The following KRT79 variants were observed in gnomAD, a reference collection of about 807,000 sequenced individuals.
The protein encoded by KRT79 is keratin, type II cytoskeletal 79.
A neutral mutation model predicts 49.0 loss-of-function variants in KRT79; 51 were observed. The observed-to-expected ratio is 1.04, with a 90% CI of 0.83 to 1.31. KRT79 has a LOEUF of 1.31. Ranked by LOEUF, KRT79 falls within the 40% of genes most tolerant of loss-of-function variation. KRT79 has a pLI of 0.00. For synonymous variants in KRT79, 312 were observed against 286.6 expected (o/e 1.09, Z -0.90); for missense variants, 728 against 688.0 (o/e 1.06, Z -0.65).
At chr12:52,831,162 G>C (rs1041979141) in intron 2 of KRT79, among the ~76,000 whole-genome samples, 4 of 152,150 alleles carry the variant, frequency 2.6e-5, no homozygotes, top group Non-Finnish European at 4.4e-5. Flanking sequence ...GATTAAAGCT[G>C]GGTGACAGGA....
At chr12:52,828,541 A>G (rs1212588933) in intron 4 of KRT79, among the ~76,000 whole-genome samples, 1 of 152,254 alleles carries the variant, frequency 6.6e-6, no homozygotes, top group East Asian at 1.9e-4. Flanking sequence ...GAGCCCACAT[A>G]GCTTAAAATG....
chr12:52,831,319 G>C (rs1003810202), intron 2 of KRT79, 87 bp downstream of exon 2: 29 of 1,306,486 alleles, frequency 2.2e-5, no homozygotes, highest in Non-Finnish European at 2.1e-5. Context: ...GTGGGCCTGG[G>C]ACCCTGGGAA....
At chr12:52,833,644 C>G (rs1940288431) in intron 1 of KRT79, 140 bp downstream of exon 1, 1 of 762,542 alleles carries the variant, frequency 1.3e-6, no homozygotes, top group African/African-American at 1.7e-5. Context: ...GCATCCCAGG[C>G]TCAGACCGGG....
intron 4 of KRT79, 69 bp downstream of exon 4, chr12:52,829,954 A>T (rs1940227186): frequency 7.7e-7 from 1 of 1,305,780 alleles, no homozygotes; most frequent in Admixed American, 1.7e-5. Flanking sequence ...TTCAGGTCAG[A>T]CCTCCATGGA....
Position 52,823,946 on chromosome 12 carries a change from C to T in KRT79, c.1087G>A (p.Ala363Thr). The T allele has an allele frequency of 6.2e-7, 1 of 1,614,130 alleles. No individual in the cohort carries two copies. Among genetic ancestry groups the T allele is most frequent in the South Asian group, 1.1e-5 (1 of 91,066 alleles). Residue 363 changes from alanine (A) to threonine (T), a missense_variant, in exon 6 of 9, where the codon GCT (alanine) becomes ACT (threonine). Transcript: ENST00000330553. ...DNLRDTKNEI[A>T]ELTRTIQRLQ... is the part of the protein sequence containing the mutation. ...CTCTGGATAGTGCGGGTGAGCTCAGCAATCTCGTTCTTGGTGTCCCGCAGG... is the reference window on the plus strand; with the variant it reads ...CTCTGGATAGTGCGGGTGAGCTCAGTAATCTCGTTCTTGGTGTCCCGCAGG...
intron 2 of KRT79, 111 bp downstream of exon 2, chr12:52,831,295 T>G: frequency 1.0e-6 from 1 of 958,130 alleles, no homozygotes; most frequent in East Asian, 2.4e-5. Flanking sequence ...CAGCTCTGTC[T>G]GTGCATCCCC....
Position 52,834,234 on chromosome 12 carries a change from T to C in KRT79, c.27A>G (p.Thr9=), listed in dbSNP as rs920304851. The C allele has an allele frequency of 5.6e-6, 9 of 1,613,348 alleles. No individual in the cohort carries two copies. In the East Asian group the frequency reaches 8.9e-5, roughly 16 times the overall value. The change falls in exon 1 of 9, where the codon ACA becomes ACG. Residue 9 remains threonine, a synonymous_variant. Coordinates refer to ENST00000330553, the MANE Select transcript of KRT79 (RefSeq NM_175834.3). ...AGCTGAAGCCCCCTTTTGTGGAGTA[T>C]GTTTGCCGAGAGACGGAGGACCTCA... MRSSVSRQ[T]YSTKGGFSSN... is the part of the protein sequence containing the mutation.
Position 52,834,169 on chromosome 12 carries a change from G to A in KRT79, c.92C>T (p.Thr31Ile), listed in dbSNP as rs1181304311. The change falls in exon 1 of 9, where the codon ACC becomes ATC. Residue 31 changes from threonine (T) to isoleucine (I), a missense_variant. Physicochemically the swap from Thr to Ile is moderately conservative, Grantham distance 89 (BLOSUM62 -1). Transcript: ENST00000330553. The part of the protein sequence containing the change: ...ASGGSGSQAR[T>I]SFSSVTVSRS... ...AGACACCGTCACTGAGCTGAAGCTG[G>A]TGCGGGCCTGGGACCCACTCCCTCC... 6.2e-7 allele frequency: 1 copy of A among 1,613,694 alleles called. No individual in the cohort carries two copies.
At chr12:52,832,110 T>C (rs1408014057) in intron 1 of KRT79, among the ~76,000 whole-genome samples, 1 of 151,994 alleles carries the variant, frequency 6.6e-6, no homozygotes, top group African/African-American at 2.4e-5. Flanking sequence ...CCACTAAAAA[T>C]CAAGACAATT....
At chr12:52,831,310 TG>T in intron 2 of KRT79, 95 bp downstream of exon 2, 1 of 1,141,014 alleles carries the variant, frequency 8.8e-7, no homozygotes, top group Non-Finnish European at 1.3e-6. Flanking sequence ...ATCCCCCAGG[TG>T]GGCCTGGGAC....
Position 52,830,091 on chromosome 12 carries a change from TC to T in KRT79, c.786del (p.Met263TrpfsTer10). Reference sequence around the variant, plus strand: ...GTGCCCACTTTGCCATGCAGATCCATCCGGCCCATGTATGCTGCATCCACAT... The same window carrying T: ...GTGCCCACTTTGCCATGCAGATCCATCGGCCCATGTATGCTGCATCCACAT... ...KKDVDAAYMG[R>X]MDLHGKVGTL... is the part of the protein sequence containing the mutation. On this transcript the variant is annotated frameshift_variant, in exon 4 of 9. Transcript: ENST00000330553. LOFTEE classifies it high-confidence loss of function. The T allele has an allele frequency of 6.2e-7, 1 of 1,614,106 alleles. No individual in the cohort carries two copies. The highest frequency in any genetic ancestry group is 8.5e-7 in the Non-Finnish European group (1 of 1,180,018).
chr12:52,823,832 G>A (rs1940136135), intron 6 of KRT79, 55 bp downstream of exon 6: 3 of 1,573,296 alleles, frequency 1.9e-6, no homozygotes, highest in African/African-American at 1.4e-5. Context: ...GGGTGACAAT[G>A]AGAAGGCCCT....
chr12:52,826,345 G>A (rs556436389), intron 4 of KRT79, among the ~76,000 whole-genome samples: 42 of 151,700 alleles, frequency 2.8e-4, no homozygotes, highest in Admixed American at 1.7e-3. Context: ...GAATGCTGTC[G>A]CTACAAAAAA....
Position 52,823,872 on chromosome 12 carries a change from C to T in KRT79, c.1146+15G>A. On this transcript the variant is annotated intron_variant, in intron 6 of 8. Coordinates refer to ENST00000330553, the MANE Select transcript of KRT79 (RefSeq NM_175834.3). ...ACACCTAGGCCAGACCCCCAAGCCCCCAGTAGAGTCCCACCTGCTTCTTGG... is the reference window on the plus strand; with the variant it reads ...ACACCTAGGCCAGACCCCCAAGCCCTCAGTAGAGTCCCACCTGCTTCTTGG... 1.2e-6 allele frequency: 2 copies of T among 1,611,034 alleles called. No individual in the cohort carries two copies. Among genetic ancestry groups the T allele is most frequent in the East Asian group, 4.5e-5 (2 of 44,860 alleles).
intron 7 of KRT79, 125 bp downstream of exon 7, chr12:52,822,891 C>G (rs567149447): frequency 7.8e-6 from 7 of 892,192 alleles, no homozygotes; most frequent in Admixed American, 2.9e-5. Flanking sequence ...ATTTTCCCCC[C>G]GCGTGAGTCA....
At chr12:52,830,389 C>A (rs1371393732) in intron 2 of KRT79, 97 bp from the exon 3 acceptor site, 1 of 974,656 alleles carries the variant, frequency 1.0e-6, no homozygotes, top group African/African-American at 1.6e-5. Context: ...GGGTCCCTCA[C>A]TGATCAAGAA....
chr12:52,821,626 C>T lies in KRT79; in HGVS notation c.*246G>A. 1 of 306,480 alleles carries T rather than the reference C, an allele frequency of 3.3e-6. No homozygotes were observed. The allele number at this position is 306,480 out of a possible 1,614,324, so 19.0% of individuals were successfully genotyped here. ...CCTCTCGGTGGTCAAAAGGTCACCC[C>T]CAAGTCACCCAAGCACATCACTCAA... is the stretch of plus-strand genomic sequence containing the variant. On this transcript the variant is annotated 3_prime_UTR_variant, in exon 9 of 9. Transcript: ENST00000330553.
rs778653252 is a variant in KRT79 at position 52,824,199 on chromosome 12, T to C, written c.1019A>G (p.Lys340Arg). Residue 340 changes from lysine (K) to arginine (R), a missense_variant and splice_region_variant, in exon 5 of 9, where the codon AAG becomes AGG. Transcript: ENST00000330553. ...ACCTGAGCCAGCTATGCCTCTCACC[T>C]TGGTCTGGTACCAGGCCTCGGCCTC... ...RAEAEAWYQTKYEELQVTAGK... is the reference protein window; with the variant it reads ...RAEAEAWYQTRYEELQVTAGK... 1.2e-6 allele frequency: 2 copies of C among 1,614,194 alleles called. No homozygotes were observed. The highest frequency in any genetic ancestry group is 1.1e-5 in the South Asian group (1 of 91,084).
Position 52,831,542 on chromosome 12 carries a change from T to C in KRT79, c.562A>G (p.Arg188Gly). ...QEQGQNLGVT[R>G]NNLEPLFEAY... The stretch of plus-strand genomic sequence containing the variant: ...TCAAAGAGGGGCTCCAGGTTGTTCC[T>C]GGTGACACCCAAGTTCTGGCCCTGC... Residue 188 changes from arginine (R) to glycine (G), a missense_variant, in exon 2 of 9, where the codon AGG becomes GGG. By Grantham distance (125) the Arg-to-Gly change is moderately radical. Transcript: ENST00000330553. 2 of 1,614,270 alleles carry C rather than the reference T, an allele frequency of 1.2e-6. No homozygotes were observed. The highest frequency in any genetic ancestry group is 1.1e-5 in the South Asian group (1 of 91,088).
Sources: gnomAD v4.1 joint callset for allele counts (sites outside exome capture counted in the v4.1 genomes callset) on GRCh38, gnomAD v4.1.1 for gene constraint, MANE v1.5 for transcripts, NCBI Gene and HGNC (gene_info 2026-07-23, HGNC 2026-07-21) for gene names.